MYO16: variants seen among roughly 807,000 people sequenced by gnomAD.
The protein encoded by MYO16 is myosin XVI.
Under a neutral mutation model 205.3 loss-of-function variants are expected in MYO16, and 94 were observed. That is an observed-to-expected ratio of 0.46 (90% CI 0.39 to 0.54). The LOEUF is 0.54. MYO16 is among the 20% of genes least tolerant of loss of function. The pLI is 0.00. For synonymous variants in MYO16, 988 were observed against 954.0 expected (o/e 1.04, Z -0.66); for missense variants, 2,315 against 2,387.5 (o/e 0.97, Z 0.63).
At chr13:109,064,998 G>T (rs1887701202) in intron 27 of MYO16, among the ~76,000 whole-genome samples, 1 of 152,120 alleles carries the variant, frequency 6.6e-6, no homozygotes, top group Non-Finnish European at 1.5e-5. Context: ...GCTTGCTTGG[G>T]GCCTCTTCCC....
chr13:109,148,602 G>A (rs1055704793), intron 32 of MYO16, among the ~76,000 whole-genome samples: 5 of 152,170 alleles, frequency 3.3e-5, no homozygotes, highest in African/African-American at 9.7e-5. Context: ...TAAACCACTC[G>A]TGGATTCGTA....
In MYO16 at chr13:109,100,840, G is replaced by A. The variant is rs146636345; in HGVS notation, c.3391G>A (p.Glu1131Lys). 98 of 1,613,632 alleles carry A rather than the reference G, an allele frequency of 6.1e-5. No individual in the cohort carries two copies. In the African/African-American group the frequency reaches 7.3e-4, roughly 12 times the overall value. Reference protein sequence around the residue: ...LREKKEQSAAERCRLVLQQCK... With the variant: ...LREKKEQSAAKRCRLVLQQCK... ...TGAGAAGAAGGAACAGTCAGCTGCC[G>A]AGCGATGTCGACTTGTTCTCCAGCA... The change falls in exon 28 of 35, where the codon GAG (glutamate) becomes AAG (lysine). Residue 1131 changes from glutamate (E) to lysine (K), a missense_variant. Glu to Lys is a moderately conservative substitution (Grantham distance 56). Around this residue, in one of 3 missense-constraint regions of MYO16, gnomAD observed 1,097 missense variants for 1,092.0 expected, o/e 1.00. Coordinates refer to ENST00000457511, the MANE Select transcript of MYO16 (RefSeq NM_001198950.3).
chr13:108,675,217 A>G (rs1882149566), intron 2 of MYO16, among the ~76,000 whole-genome samples: 1 of 152,226 alleles, frequency 6.6e-6, no homozygotes, highest in African/African-American at 2.4e-5. Flanking sequence ...AACTCCACAT[A>G]CATACCTACA....
rs141115632 is a variant in MYO16, at chr13:108,801,353, G to C, written c.742-5326G>C. Among the ~76,000 whole-genome samples the C allele has an allele frequency of 7.4e-4, 113 of 152,296 alleles. 1 individual carries two copies. Among genetic ancestry groups the C allele is most frequent in the African/African-American group, 2.6e-3 (107 of 41,562 alleles). ...CAAATACATTCTTTCATACACTGCTGGACTGTAGGTGAATTGGTACATTCT... is the reference window on the plus strand; with the variant it reads ...CAAATACATTCTTTCATACACTGCTCGACTGTAGGTGAATTGGTACATTCT... On this transcript the variant is annotated intron_variant, in intron 6 of 34. Transcript: ENST00000457511.
intron 1 of MYO16, among the ~76,000 whole-genome samples, chr13:108,640,433 A>C (rs1320404719): frequency 2.0e-5 from 3 of 152,198 alleles, no homozygotes; most frequent in Admixed American, 6.5e-5. Context: ...TACAGAACAC[A>C]TATGAGCTTT....
intron 16 of MYO16, among the ~76,000 whole-genome samples, chr13:108,952,477 T>C (rs1566429302): frequency 6.6e-6 from 1 of 152,222 alleles, no homozygotes; most frequent in African/African-American, 2.4e-5. Flanking sequence ...TGTGAATTGT[T>C]GTGGAGACTA....
At chr13:108,496,476 C>T in the MYO16 span, among the ~76,000 whole-genome samples, 82 of 152,276 alleles carry the variant, frequency 5.4e-4, no homozygotes, top group South Asian at 0.016. Context: ...CCCCTCTGCG[C>T]GACCCCAGCT....
At chr13:109,037,871 G>A (rs956561976) in intron 23 of MYO16, among the ~76,000 whole-genome samples, 6 of 152,154 alleles carry the variant, frequency 3.9e-5, no homozygotes, top group African/African-American at 1.4e-4. Context: ...ACAACAGCTT[G>A]ATGCCTCTCA....
intron 23 of MYO16, among the ~76,000 whole-genome samples, chr13:109,044,238 C>T (rs981305354): frequency 3.9e-5 from 6 of 152,094 alleles, no homozygotes; most frequent in East Asian, 1.9e-4. Context: ...CAAAATAGGC[C>T]GTTGCTTTAG....
In MYO16 at chr13:108,753,852, C is replaced by G. The variant is rs140816105; in HGVS notation, c.507+26269C>G. Among the ~76,000 whole-genome samples the G allele has an allele frequency of 2.2e-3, 329 of 152,294 alleles. 4 individuals are homozygous for G. Among genetic ancestry groups the G allele is most frequent in the African/African-American group, 7.6e-3 (314 of 41,562 alleles). On this transcript the variant is annotated intron_variant, in intron 4 of 34. Transcript: ENST00000457511. ...AAATTCTGCTACCTAAATAAATGGTCACTACAAAACATATATTTAAAAAGA... is the reference window on the plus strand; with the variant it reads ...AAATTCTGCTACCTAAATAAATGGTGACTACAAAACATATATTTAAAAAGA...
intron 31 of MYO16, among the ~76,000 whole-genome samples, chr13:109,130,688 C>T (rs1876490421): frequency 6.6e-6 from 1 of 152,160 alleles, no homozygotes; most frequent in African/African-American, 2.4e-5. Context: ...AGACAGGGTT[C>T]TGGTCCCTTC....
intron 20 of MYO16, among the ~76,000 whole-genome samples, chr13:108,972,704 T>C (rs1271994724): frequency 6.6e-6 from 1 of 151,768 alleles, no homozygotes; most frequent in Non-Finnish European, 1.5e-5. Context: ...CAACTGCCAC[T>C]CTTTCTCTTA....
At chr13:108,755,808 C>T (rs924878160) in intron 4 of MYO16, among the ~76,000 whole-genome samples, 4 of 152,148 alleles carry the variant, frequency 2.6e-5, no homozygotes, top group Admixed American at 6.6e-5. Flanking sequence ...TCAGTAGAGA[C>T]TCAGCAGTGA....
At chr13:108,698,837 A>G (rs1384357559) in intron 2 of MYO16, among the ~76,000 whole-genome samples, 1 of 152,212 alleles carries the variant, frequency 6.6e-6, no homozygotes, top group Non-Finnish European at 1.5e-5. Context: ...TTGACTAAGC[A>G]ATAATCATCC....
intron 27 of MYO16, among the ~76,000 whole-genome samples, chr13:109,073,579 A>G (rs1156434394): frequency 6.6e-6 from 1 of 152,216 alleles, no homozygotes; most frequent in Non-Finnish European, 1.5e-5. Flanking sequence ...TTTAACCAAT[A>G]GACAAGTACC....
intron 4 of MYO16, among the ~76,000 whole-genome samples, chr13:108,774,899 A>G (rs1038163587): frequency 6.6e-6 from 1 of 152,156 alleles, no homozygotes; most frequent in Admixed American, 6.5e-5. Context: ...TCACACACCC[A>G]CTTCCTAATC....
rs867283165 is a variant in MYO16, at chr13:109,040,383, C to G, written c.2797-6533C>G. On this transcript the variant is annotated intron_variant, in intron 23 of 34. Coordinates refer to ENST00000457511, the MANE Select transcript of MYO16 (RefSeq NM_001198950.3). ...GCATACACACACACACACACACACACACAGAGAGAGAGAGAGAGAGAGAGA... is the reference window on the plus strand; with the variant it reads ...GCATACACACACACACACACACACAGACAGAGAGAGAGAGAGAGAGAGAGA... 5.9e-4 allele frequency among the ~76,000 whole-genome samples: 41 copies of G among 70,054 alleles called. No individual in the cohort carries two copies. The East Asian group carries it at 0.012, about 20-fold the overall frequency. The allele number at this position is 70,054 out of a possible 152,430, so 46.0% of individuals were successfully genotyped here. A position where few individuals can be genotyped will look rare whatever the true frequency, so the allele number is the denominator to read the frequency against.
intron 34 of MYO16, among the ~76,000 whole-genome samples, chr13:109,186,979 T>G (rs74123526): frequency 2.6e-5 from 4 of 152,144 alleles, no homozygotes; most frequent in Non-Finnish European, 5.9e-5. Flanking sequence ...AACCAATGTA[T>G]GTACTTCTAA....
the MYO16 span, among the ~76,000 whole-genome samples, chr13:108,536,954 A>G: frequency 6.6e-6 from 1 of 152,122 alleles, no homozygotes; most frequent in Admixed American, 6.6e-5. Context: ...GGGGTTTCTG[A>G]TGTCAAGTAT....
Sources: allele counts gnomAD v4.1 joint callset (sites outside exome capture counted in the v4.1 genomes callset), GRCh38; gene constraint gnomAD v4.1.1; regional missense constraint gnomAD v4.1.1; transcripts MANE v1.5; gene names NCBI Gene and HGNC (gene_info 2026-07-23, HGNC 2026-07-21).